GTF2E2: variants seen among roughly 807,000 people sequenced by gnomAD.
The protein encoded by GTF2E2 is general transcription factor IIE subunit 2.
GTF2E2 carries 21 observed loss-of-function variants against 40.5 expected under a neutral mutation model. The observed-to-expected ratio is 0.52, with a 90% confidence interval of 0.37 to 0.75. The LOEUF (loss-of-function observed/expected upper bound fraction) is 0.75, where lower values mean the gene tolerates loss of function less well. Ranked by LOEUF, GTF2E2 falls within the 30% of genes least tolerant of loss-of-function variation. GTF2E2 has a pLI of 0.00. For missense variants in GTF2E2, 298 were observed against 338.4 expected (o/e 0.88, Z 0.94); for synonymous variants, 117 against 121.6 (o/e 0.96, Z 0.25).
chr8:30,590,363 A>G (rs146081526), intron 6 of GTF2E2, among the ~76,000 whole-genome samples: 100 of 152,306 alleles, frequency 6.6e-4, no homozygotes, highest in Non-Finnish European at 1.1e-3. Flanking sequence ...GTTGTTTCCA[A>G]TTGTTGGTGG....
chr8:30,619,334 A>C (rs1183147353), intron 3 of GTF2E2, among the ~76,000 whole-genome samples: 1 of 152,150 alleles, frequency 6.6e-6, no homozygotes, highest in African/African-American at 2.4e-5. Flanking sequence ...TTTAAAATCA[A>C]AATTGTCAGT....
chr8:30,612,844 G>GC (rs1446292055), intron 4 of GTF2E2, among the ~76,000 whole-genome samples: 2 of 152,172 alleles, frequency 1.3e-5, no homozygotes, highest in Non-Finnish European at 2.9e-5. Flanking sequence ...ACTGTGCCCA[G>GC]CCCATATACA....
chr8:30,634,819 A>T (rs1426423818), intron 3 of GTF2E2, among the ~76,000 whole-genome samples: 2 of 152,240 alleles, frequency 1.3e-5, no homozygotes, highest in Non-Finnish European at 2.9e-5. Context: ...GAGTTAATGC[A>T]GATTAAATAT....
At chr8:30,645,406 A>C in intron 2 of GTF2E2, 1 of 1,535,702 alleles carries the variant, frequency 6.5e-7, no homozygotes. Context: ...CAACTGGAAC[A>C]CTGCCTGCTT....
chr8:30,578,979 T>C lies in GTF2E2; in HGVS notation c.818A>G (p.His273Arg), dbSNP rs1828432924. The part of the protein sequence containing the change: ...ASQKKRRFKT[H>R]NEHLAGVLKD... ...CAGCACTCCAGCCAAGTGTTCGTTATGAGTCTTAAAGCGTCGCTTTTTCTG... is the reference window on the plus strand; with the variant it reads ...CAGCACTCCAGCCAAGTGTTCGTTACGAGTCTTAAAGCGTCGCTTTTTCTG... The change falls in exon 8 of 8, where the codon CAT becomes CGT. Residue 273 changes from histidine to arginine, a missense_variant. Coordinates refer to ENST00000355904, the MANE Select transcript of GTF2E2 (RefSeq NM_002095.6). 6 of 1,611,600 alleles carry C rather than the reference T, an allele frequency of 3.7e-6. No individual in the cohort carries two copies. The highest frequency in any genetic ancestry group is 3.4e-6 in the Non-Finnish European group (4 of 1,177,666).
At chr8:30,637,926 A>C (rs993558441) in intron 2 of GTF2E2, among the ~76,000 whole-genome samples, 4 of 152,200 alleles carry the variant, frequency 2.6e-5, no homozygotes, top group Non-Finnish European at 4.4e-5. Context: ...TTGTGCTTAG[A>C]CCATAACTCT....
At chr8:30,608,591 C>G (rs936335877) in intron 5 of GTF2E2, among the ~76,000 whole-genome samples, 6 of 152,168 alleles carry the variant, frequency 3.9e-5, no homozygotes, top group African/African-American at 1.4e-4. Context: ...AAGGTGATAA[C>G]TACAGGATGA....
intron 6 of GTF2E2, among the ~76,000 whole-genome samples, chr8:30,590,003 A>G (rs1828797211): frequency 6.6e-6 from 1 of 152,184 alleles, no homozygotes; most frequent in Admixed American, 6.5e-5. Flanking sequence ...ATTTTACTGT[A>G]CAATTCCTGA....
At chr8:30,595,848 GA>G (rs1828987001) in intron 6 of GTF2E2, among the ~76,000 whole-genome samples, 2 of 151,846 alleles carry the variant, frequency 1.3e-5, no homozygotes, top group African/African-American at 4.8e-5. Flanking sequence ...GAAAGGAAAG[GA>G]AAAGGGGAAG....
At chr8:30,643,645 G>C (rs1801938851) in intron 2 of GTF2E2, 1 of 123,350 alleles carries the variant, frequency 8.1e-6, no homozygotes, top group Non-Finnish European at 1.6e-5. Flanking sequence ...GGGCAACAGA[G>C]CAAGACTCTG....
Position 30,579,014 on chromosome 8 carries a change from CT to C in GTF2E2, c.782del (p.Lys261SerfsTer21). 6.2e-7 allele frequency: 1 copy of C among 1,601,306 alleles called. No homozygotes were observed. The highest frequency in any genetic ancestry group is 8.6e-7 in the Non-Finnish European group (1 of 1,168,288). ...KKVAPIQRRK[K>X]PASQKKRRFK... ...AGCGTCGCTTTTTCTGTGAAGCAGG[CT>C]TTTTCCTTCTCTGAATAGGGGCCTA... On this transcript the variant is annotated frameshift_variant, in exon 8 of 8. Coordinates refer to ENST00000355904, the MANE Select transcript of GTF2E2 (RefSeq NM_002095.6). LOFTEE classifies it high-confidence loss of function.
At chr8:30,616,864 T>G (rs1257503953) in intron 3 of GTF2E2, among the ~76,000 whole-genome samples, 2 of 152,028 alleles carry the variant, frequency 1.3e-5, no homozygotes, top group East Asian at 3.8e-4. Context: ...TTAAAAAACA[T>G]ATGCACTATG....
intron 1 of GTF2E2, among the ~76,000 whole-genome samples, chr8:30,657,394 CCTCT>C (rs1260455110): frequency 6.6e-6 from 1 of 152,118 alleles, no homozygotes; most frequent in East Asian, 1.9e-4. Flanking sequence ...TACTACTTCC[CCTCT>C]CTTTCACTTT....
At chr8:30,594,482 T>C (rs1828940152) in intron 6 of GTF2E2, among the ~76,000 whole-genome samples, 1 of 151,408 alleles carries the variant, frequency 6.6e-6, no homozygotes, top group Non-Finnish European at 1.5e-5. Context: ...GGTCTTGAAC[T>C]TCTGACCTAA....
intron 2 of GTF2E2, among the ~76,000 whole-genome samples, chr8:30,642,868 T>C (rs1403357607): frequency 6.6e-6 from 1 of 152,254 alleles, no homozygotes; most frequent in African/African-American, 2.4e-5. Flanking sequence ...TCTGCCTTCC[T>C]GACTGCCTCT....
At chr8:30,619,569 A>G (rs1278007993) in intron 3 of GTF2E2, among the ~76,000 whole-genome samples, 2 of 151,122 alleles carry the variant, frequency 1.3e-5, no homozygotes, top group Non-Finnish European at 2.9e-5. Context: ...TTGTATTTTT[A>G]GTAGAGACGG....
chr8:30,613,703 CTG>C (rs759648633), intron 4 of GTF2E2, among the ~76,000 whole-genome samples: 1 of 152,146 alleles, frequency 6.6e-6, no homozygotes, highest in East Asian at 1.9e-4. Flanking sequence ...AAGTCAAGAC[CTG>C]TATTTTGCTT....
chr8:30,630,223 A>AACC (rs1329548813), intron 3 of GTF2E2, among the ~76,000 whole-genome samples: 1 of 152,322 alleles, frequency 6.6e-6, no homozygotes, highest in East Asian at 1.9e-4. Flanking sequence ...GTATGATAGT[A>AACC]ACCATCTCAG....
At chr8:30,592,664 C>T (rs1379427898) in intron 6 of GTF2E2, among the ~76,000 whole-genome samples, 1 of 152,172 alleles carries the variant, frequency 6.6e-6, no homozygotes, top group Non-Finnish European at 1.5e-5. Flanking sequence ...ACAATTTAAA[C>T]ACCATGTAAA....
Sources: gnomAD v4.1 joint callset for allele counts (sites outside exome capture counted in the v4.1 genomes callset) on GRCh38, gnomAD v4.1.1 for gene constraint, MANE v1.5 for transcripts, NCBI Gene and HGNC (gene_info 2026-07-23, HGNC 2026-07-21) for gene names.